Variants in HOXA6 observed in about 807,000 individuals in gnomAD.
The protein encoded by HOXA6 is homeobox protein Hox-A6.
A neutral mutation model predicts 23.2 loss-of-function variants in HOXA6; 19 were observed. The ratio of observed to expected loss-of-function variants is 0.82; its 90% CI spans 0.57 to 1.20. The LOEUF (loss-of-function observed/expected upper bound fraction) is 1.20. Among genes scored for constraint, HOXA6 ranks in the 50% most tolerant of loss-of-function variants. The pLI is 0.00. For synonymous variants in HOXA6, 140 were observed against 132.6 expected (o/e 1.06, Z -0.38); for missense variants, 346 against 313.6 (o/e 1.10, Z -0.78).
chr7:27,146,104 C>G (rs4719885), intron 1 of HOXA6, among the ~76,000 whole-genome samples, 187 bp from the exon 2 acceptor site: 27,868 of 152,214 alleles, frequency 0.18, 3,131 homozygotes, highest in South Asian at 0.29. Flanking sequence ...AGATGTTTTC[C>G]ACCTATAACG....
chr7:27,146,251 TTGTGTGTG>T (rs10685970), intron 1 of HOXA6, among the ~76,000 whole-genome samples: 1 of 149,012 alleles, frequency 6.7e-6, no homozygotes, highest in Non-Finnish European at 1.5e-5. Context: ...GTGTGTGTGT[TTGTGTGTG>T]TGTGTGTGTG....
At chr7:27,146,033 C>T in intron 1 of HOXA6, 116 bp from the exon 2 acceptor site, 1 of 1,202,418 alleles carries the variant, frequency 8.3e-7, no homozygotes. Context: ...TCCACTCCAG[C>T]CTCTCCCACT....
rs922795801 is a variant in HOXA6 at position 27,147,633 on chromosome 7, C to G, written c.117G>C (p.Pro39=). 1 of 1,614,172 alleles carries G rather than the reference C, an allele frequency of 6.2e-7. No individual in the cohort carries two copies. The highest frequency in any genetic ancestry group is 8.5e-7 in the Non-Finnish European group (1 of 1,180,036). The change falls in exon 1 of 2, where the codon CCG becomes CCC. Residue 39 remains proline (P), a synonymous_variant. Transcript: ENST00000222728. ...GGAGACTCGACGCCCCGTACGAGGC[C>G]GGGAAGGGCCTCAGCGCGTCATAGC... is the stretch of plus-strand genomic sequence containing the variant. ...QAGYDALRPF[P]ASYGASSLPD... is the part of the protein sequence containing the mutation.
In HOXA6 at chr7:27,147,343, AC is replaced by A; in HGVS notation, c.406del (p.Val136PhefsTer8). ...EGADRKYTSP[V>X]YPWMQRMNSC... ...GTTCATCCGCTGCATCCAAGGGTAAACCGGGCTCGTGTACTTCCGGTCGGCG... is the reference window on the plus strand; with the variant it reads ...GTTCATCCGCTGCATCCAAGGGTAAACGGGCTCGTGTACTTCCGGTCGGCG... On this transcript the variant is annotated frameshift_variant, in exon 1 of 2. Transcript: ENST00000222728. LOFTEE classifies it high-confidence loss of function. 6.2e-7 allele frequency: 1 copy of A among 1,613,900 alleles called. No homozygotes were observed. The highest frequency in any genetic ancestry group is 8.5e-7 in the Non-Finnish European group (1 of 1,179,998).
Position 27,145,575 on chromosome 7 carries a change from G to A in HOXA6, c.*83C>T. ...GGAAGCCCCCAGATGGGAGCAGGCG[G>A]GGAGAAAAGTTGGGGAACAGGCGAG... On this transcript the variant is annotated 3_prime_UTR_variant, in exon 2 of 2. Coordinates refer to ENST00000222728, the MANE Select transcript of HOXA6 (RefSeq NM_024014.4). 1 of 1,530,248 alleles carries A rather than the reference G, an allele frequency of 6.5e-7. No homozygotes were observed. Among genetic ancestry groups the A allele is most frequent in the Non-Finnish European group, 8.8e-7 (1 of 1,137,946 alleles). 94.8% of individuals were successfully genotyped at this position (1,530,248 alleles called of 1,614,324 possible).
chr7:27,147,194 G>T, intron 1 of HOXA6, 114 bp downstream of exon 1: 1 of 1,102,150 alleles, frequency 9.1e-7, no homozygotes, highest in Non-Finnish European at 1.3e-6. Context: ...AAACTTTGCT[G>T]GTTCTTTCAT....
rs142508258 is a variant in HOXA6, at chr7:27,145,446, GGTTTTGTTTT to G, written c.*202_*211del. ...CACCGCTGGTATTGGCTGTGTGTGAGGTTTTGTTTTGTTTTGTTTTGTTTTGTTTTGTTTT... is the reference window on the plus strand; with the variant it reads ...CACCGCTGGTATTGGCTGTGTGTGAGGTTTTGTTTTGTTTTGTTTTGTTTT... On this transcript the variant is annotated 3_prime_UTR_variant, in exon 2 of 2. Transcript: ENST00000222728. 29,223 of 330,466 alleles carry G rather than the reference GGTTTTGTTTT, an allele frequency of 0.088. 1,604 individuals carry two copies. The highest frequency in any genetic ancestry group is 0.19 in the African/African-American group (9,403 of 50,402). The allele number at this position is 330,466 out of a possible 1,614,324, so 20.5% of individuals were successfully genotyped here.
chr7:27,146,019 C>G, intron 1 of HOXA6, 102 bp from the exon 2 acceptor site: 1 of 1,331,070 alleles, frequency 7.5e-7, no homozygotes, highest in Non-Finnish European at 1.0e-6. Flanking sequence ...GAAACCACCC[C>G]GCCTCCACTC....
At chr7:27,146,471 A>G (rs565013389) in intron 1 of HOXA6, among the ~76,000 whole-genome samples, 4 of 152,308 alleles carry the variant, frequency 2.6e-5, no homozygotes, top group Non-Finnish European at 4.4e-5. Context: ...AACTCCCCCA[A>G]GGATAAAGTG....
At position 27,145,490 on chromosome 7, in the gene HOXA6, TTG is replaced by T. The variant is rs1782725547; in HGVS notation, c.*166_*167del. ...TTGTTTTGTTTTGTTTTGTTTTGTT[TTG>T]TTTTGTAAGAAATAAATGCACAGAC... On this transcript the variant is annotated 3_prime_UTR_variant, in exon 2 of 2. Transcript: ENST00000222728. 11 of 719,676 alleles carry T rather than the reference TTG, an allele frequency of 1.5e-5. No homozygotes were observed. Among genetic ancestry groups the T allele is most frequent in the African/African-American group, 4.3e-5 (2 of 46,750 alleles). 44.6% of individuals were successfully genotyped at this position (719,676 alleles called of 1,614,324 possible).
chr7:27,146,028 T>C, intron 1 of HOXA6, 111 bp from the exon 2 acceptor site: 1 of 1,227,180 alleles, frequency 8.1e-7, no homozygotes. Context: ...CCGCCTCCAC[T>C]CCAGCCTCTC....
intron 1 of HOXA6, 57 bp from the exon 2 acceptor site, chr7:27,145,974 C>A: frequency 1.3e-6 from 2 of 1,554,930 alleles, no homozygotes; most frequent in South Asian, 2.4e-5. Context: ...TTGACCCAGT[C>A]AGCCCAGTGC....
rs1440885771 is a variant in HOXA6, at chr7:27,145,499, A to T, written c.*159T>A. On this transcript the variant is annotated 3_prime_UTR_variant, in exon 2 of 2. Coordinates refer to ENST00000222728, the MANE Select transcript of HOXA6 (RefSeq NM_024014.4). Reference sequence around the variant, plus strand: ...TTTGTTTTGTTTTGTTTTGTTTTGTAAGAAATAAATGCACAGACGCTTGCA... The same window carrying T: ...TTTGTTTTGTTTTGTTTTGTTTTGTTAGAAATAAATGCACAGACGCTTGCA... The T allele has an allele frequency of 2.4e-6, 2 of 832,404 alleles. No individual in the cohort carries two copies. The highest frequency in any genetic ancestry group is 3.8e-6 in the Non-Finnish European group (2 of 531,068). The allele number at this position is 832,404 out of a possible 1,614,324, so 51.6% of individuals were successfully genotyped here.
chr7:27,146,625 C>T (rs988986730), intron 1 of HOXA6, among the ~76,000 whole-genome samples: 3 of 152,108 alleles, frequency 2.0e-5, no homozygotes, highest in African/African-American at 7.2e-5. Context: ...GGATTTCTGG[C>T]AATGTAGGAT....
Position 27,147,709 on chromosome 7 carries a change from AG to A in HOXA6, c.40del (p.Leu14PhefsTer22), listed in dbSNP as rs759402904. 2 of 1,612,450 alleles carry A rather than the reference AG, an allele frequency of 1.2e-6. No individual in the cohort carries two copies. The highest frequency in any genetic ancestry group is 1.7e-6 in the Non-Finnish European group (2 of 1,179,620). ...YFVNPTFPGS[L>X]PSGQDSFLGQ... ...CAAGAAGGAGTCCTGGCCGCTGGGA[AG>A]GCTCCCGGGGAAAGTGGGATTCACA... On this transcript the variant is annotated frameshift_variant, in exon 1 of 2. Transcript: ENST00000222728. LOFTEE classifies it high-confidence loss of function.
At position 27,145,801 on chromosome 7, in the gene HOXA6, C is replaced by T. The variant is rs373414972; in HGVS notation, c.559G>A (p.Glu187Lys). ...GTGAGGCAGAGCGCGTTGGCGATCT[C>T]GATGCGGCGGCGCCGTGTCAGGTAG... ...NRYLTRRRRI[E>K]IANALCLTER... The change falls in exon 2 of 2, where the codon GAG becomes AAG. Residue 187 changes from glutamate to lysine, a missense_variant. By Grantham distance (56) the Glu-to-Lys change is moderately conservative. Coordinates refer to ENST00000222728, the MANE Select transcript of HOXA6 (RefSeq NM_024014.4). 1.6e-4 allele frequency: 260 copies of T among 1,614,150 alleles called. No homozygotes were observed. Among genetic ancestry groups the T allele is most frequent in the Non-Finnish European group, 2.2e-4 (254 of 1,180,054 alleles).
chr7:27,146,038 C>G (rs933021335), intron 1 of HOXA6, 121 bp from the exon 2 acceptor site: 1 of 1,158,206 alleles, frequency 8.6e-7, no homozygotes, highest in Non-Finnish European at 1.2e-6. Context: ...TCCAGCCTCT[C>G]CCACTATGTC....
In HOXA6 at chr7:27,147,562, G is replaced by C; in HGVS notation, c.188C>G (p.Ser63Trp). The change falls in exon 1 of 2, where the codon TCG (serine) becomes TGG (tryptophan). Residue 63 changes from serine to tryptophan, a missense_variant. Coordinates refer to ENST00000222728, the MANE Select transcript of HOXA6 (RefSeq NM_024014.4). ...GGACGCCCGGTTGCAGGCCAGGACC[G>C]AGTTGGACTGTTGGTAGAAACAAGG... Reference protein sequence around the residue: ...TSPCFYQQSNSVLACNRASYE... With the variant: ...TSPCFYQQSNWVLACNRASYE... The C allele has an allele frequency of 3.1e-6, 5 of 1,614,234 alleles. No individual in the cohort carries two copies.
At chr7:27,147,016 T>A (rs1053945417) in intron 1 of HOXA6, 1 of 409,560 alleles carries the variant, frequency 2.4e-6, no homozygotes, top group Non-Finnish European at 4.4e-6. Flanking sequence ...CCCACCAGCC[T>A]CTCTCTCTCT....
Sources: gnomAD v4.1 joint callset for allele counts (sites outside exome capture counted in the v4.1 genomes callset) on GRCh38, gnomAD v4.1.1 for gene constraint, MANE v1.5 for transcripts, NCBI Gene and HGNC (gene_info 2026-07-23, HGNC 2026-07-21) for gene names.